MPP1: variants seen among roughly 807,000 people sequenced by gnomAD.
MPP1 encodes 55 kDa erythrocyte membrane protein.
In MPP1, 6 loss-of-function variants were observed where a neutral mutation model predicts 38.2. The ratio of observed to expected loss-of-function variants is 0.16; its 90% CI spans 0.09 to 0.31. The LOEUF (loss-of-function observed/expected upper bound fraction) is 0.31. Among genes scored for constraint, MPP1 ranks in the 10% least tolerant of loss-of-function variants. The pLI, the probability that MPP1 is intolerant of heterozygous loss-of-function variation, is 1.00. For missense variants in MPP1, 293 were observed against 368.9 expected, an observed-to-expected ratio of 0.79 and a Z score of 1.69; for synonymous variants, 153 against 146.3, an observed-to-expected ratio of 1.05 and a Z score of -0.33.
At chrX:154,781,823 C>A in intron 9 of MPP1, 21 bp from the exon 10 acceptor site, 1 of 1,192,611 alleles carries the variant, frequency 8.4e-7, no homozygotes, top group South Asian at 1.8e-5. Flanking sequence ...GAACCCAAAT[C>A]CCCGACAAAC....
rs201981724 is a variant in MPP1 at position 154,781,219 on chromosome X, C to T, written c.1224+20G>A. On this transcript the variant is annotated intron_variant, in intron 11 of 11. Coordinates refer to ENST00000369534, the MANE Select transcript of MPP1 (RefSeq NM_002436.4). ...GGCCCGGAGAAAGTGAACTACCCAT[C>T]GCGCACAACCTCTCCTCACCTGAGT... The T allele has an allele frequency of 1.7e-5, 20 of 1,188,594 alleles. No individual in the cohort carries two copies. Among genetic ancestry groups the T allele is most frequent in the Admixed American group, 4.5e-5 (2 of 44,437 alleles).
chrX:154,799,897 G>A (rs782629109), intron 1 of MPP1: 17 of 1,055,894 alleles, frequency 1.6e-5, no homozygotes, highest in Non-Finnish European at 2.1e-5. Flanking sequence ...AAGGAAGCTG[G>A]AATTTAAAAA....
intron 3 of MPP1, 56 bp downstream of exon 3, chrX:154,791,713 A>G: frequency 9.5e-7 from 1 of 1,048,011 alleles, no homozygotes; most frequent in Middle Eastern, 2.5e-4. Flanking sequence ...ACCACTGAAC[A>G]GGGAGTAAAT....
chrX:154,787,915 A>G (rs782148361), intron 5 of MPP1, among the ~76,000 whole-genome samples: 2 of 112,823 alleles, frequency 1.8e-5, no homozygotes, highest in South Asian at 7.2e-4. Flanking sequence ...AAAAGAATAA[A>G]AAGTTCCAAA....
intron 1 of MPP1, among the ~76,000 whole-genome samples, chrX:154,799,569 G>T (rs1557268438): frequency 8.9e-6 from 1 of 112,762 alleles, no homozygotes; most frequent in Non-Finnish European, 1.9e-5. Context: ...ATTTCTCAGA[G>T]TTCAGTTCAC....
rs782616560 is a variant in MPP1, at chrX:154,789,978, C to T, written c.456G>A (p.Gln152=). Residue 152 remains glutamine (Q), a synonymous_variant, in exon 5 of 12, where the codon CAG becomes CAA. Coordinates refer to ENST00000369534, the MANE Select transcript of MPP1 (RefSeq NM_002436.4). ...CCTGTAGTGCAGGAAGACGGCTTTGCTGGTTGGGAATTACTTTTAATGAGA... is the reference window on the plus strand; with the variant it reads ...CCTGTAGTGCAGGAAGACGGCTTTGTTGGTTGGGAATTACTTTTAATGAGA... ...GMISLKVIPN[Q]QSRLPALQMF... 4 of 1,203,641 alleles carry T rather than the reference C, an allele frequency of 3.3e-6. No homozygotes were observed. The Admixed American group carries it at 8.7e-5, about 26-fold the overall frequency.
Position 154,780,929 on chromosome X carries a change from C to G in MPP1, c.1224+310G>C, listed in dbSNP as rs140205544. On this transcript the variant is annotated intron_variant, in intron 11 of 11. Coordinates refer to ENST00000369534, the MANE Select transcript of MPP1 (RefSeq NM_002436.4). ...CCTCTGTCCATCACAGCTTCCCCTGCCAGAGCCTGCATCCCACCAGTATCA... is the reference window on the plus strand; with the variant it reads ...CCTCTGTCCATCACAGCTTCCCCTGGCAGAGCCTGCATCCCACCAGTATCA... Among the ~76,000 whole-genome samples the G allele has an allele frequency of 7.7e-3, 868 of 112,121 alleles. 8 individuals are homozygous for G. Among genetic ancestry groups the G allele is most frequent in the African/African-American group, 0.027 (831 of 30,858 alleles).
Position 154,783,433 on chromosome X carries a change from C to T in MPP1, c.940G>A (p.Val314Ile). The T allele has an allele frequency of 8.3e-7, 1 of 1,209,160 alleles. No homozygotes were observed. The highest frequency in any genetic ancestry group is 1.1e-6 in the Non-Finnish European group (1 of 893,949). The change falls in exon 9 of 12, where the codon GTC (valine) becomes ATC (isoleucine). Residue 314 changes from valine to isoleucine, a missense_variant. By Grantham distance (29) the Val-to-Ile change is conservative. Coordinates refer to ENST00000369534, the MANE Select transcript of MPP1 (RefSeq NM_002436.4). Reference protein sequence around the residue: ...SQNPEKFVYPVPYTTRPPRKS... With the variant: ...SQNPEKFVYPIPYTTRPPRKS... Reference sequence around the variant, plus strand: ...GTGCCTAAGAGCTACTTACATGGGACAGGGTACACAAACTTCTCCGGATTC... The same window carrying T: ...GTGCCTAAGAGCTACTTACATGGGATAGGGTACACAAACTTCTCCGGATTC...
chrX:154,804,170 C>T lies in MPP1; in HGVS notation c.102+1102G>A, dbSNP rs782755072. On this transcript the variant is annotated intron_variant, in intron 1 of 11. Transcript: ENST00000369534. Reference sequence around the variant, plus strand: ...CATTACTTGTTTCCTTGAGTTAATGCCACTTAGCCCAAAGAGTCTACAGCT... The same window carrying T: ...CATTACTTGTTTCCTTGAGTTAATGTCACTTAGCCCAAAGAGTCTACAGCT... Among the ~76,000 whole-genome samples, 8 of 111,964 alleles carry T rather than the reference C, an allele frequency of 7.1e-5. 1 individual carries two copies. The highest frequency in any genetic ancestry group is 2.6e-4 in the African/African-American group (8 of 30,805).
At chrX:154,792,925 G>A (rs1431024244) in intron 1 of MPP1, among the ~76,000 whole-genome samples, 2 of 111,188 alleles carry the variant, frequency 1.8e-5, no homozygotes, top group African/African-American at 6.6e-5. Context: ...AGACAGCAAA[G>A]CTAAATGAGT....
chrX:154,799,273 G>C (rs907837644), intron 1 of MPP1, among the ~76,000 whole-genome samples: 2 of 111,621 alleles, frequency 1.8e-5, no homozygotes, highest in Admixed American at 1.9e-4. Flanking sequence ...TAAGAAAAAC[G>C]GAAACTTCCA....
Position 154,786,068 on chromosome X carries a change from C to T in MPP1, c.677+136G>A, listed in dbSNP as rs2148527726. 4 of 620,574 alleles carry T rather than the reference C, an allele frequency of 6.4e-6. No individual in the cohort carries two copies. In the South Asian group the frequency reaches 1.2e-4, roughly 19 times the overall value. The allele number at this position is 620,574 out of a possible 1,213,427, so 51.1% of individuals were successfully genotyped here. A position where few individuals can be genotyped will look rare whatever the true frequency, so the allele number is the denominator to read the frequency against. On this transcript the variant is annotated intron_variant, in intron 6 of 11. Coordinates refer to ENST00000369534, the MANE Select transcript of MPP1 (RefSeq NM_002436.4). The stretch of plus-strand genomic sequence containing the variant: ...CTTATCAACGCATGGTTAACCCTCC[C>T]CCACCCATTATGCCAGGAAATCTAG...
chrX:154,793,136 T>C (rs1603430179), intron 1 of MPP1, among the ~76,000 whole-genome samples: 1 of 111,725 alleles, frequency 9.0e-6, no homozygotes, highest in African/African-American at 3.3e-5. Flanking sequence ...GAGTATAAAA[T>C]GAAAACTAAA....
At chrX:154,797,841 C>T (rs1317102404) in intron 1 of MPP1, among the ~76,000 whole-genome samples, 3 of 110,903 alleles carry the variant, frequency 2.7e-5, no homozygotes, top group Admixed American at 1.9e-4. Flanking sequence ...AGCTACAGAC[C>T]GGGAGAAACA....
At chrX:154,798,154 C>T (rs1243733939) in intron 1 of MPP1, among the ~76,000 whole-genome samples, 1 of 112,164 alleles carries the variant, frequency 8.9e-6, no homozygotes, top group Non-Finnish European at 1.9e-5. Flanking sequence ...GAAAATTGGG[C>T]ATCTCATACA....
At position 154,779,295 on chromosome X, in the gene MPP1, T is replaced by C. The variant is rs1557266319; in HGVS notation, c.1283A>G (p.His428Arg). ...ATTGACCAGTGAGAGGTCAAAGTAG[T>C]GAGCGTACTGGCTGCGGATGGCCTC... ...DSEAIRSQYA[H>R]YFDLSLVNNG... is the part of the protein sequence containing the mutation. The change falls in exon 12 of 12, where the codon CAC becomes CGC. Residue 428 changes from histidine to arginine, a missense_variant. Coordinates refer to ENST00000369534, the MANE Select transcript of MPP1 (RefSeq NM_002436.4). 1 of 1,211,500 alleles carries C rather than the reference T, an allele frequency of 8.3e-7. No individual in the cohort carries two copies. The highest frequency in any genetic ancestry group is 1.1e-6 in the Non-Finnish European group (1 of 895,312).
chrX:154,786,410 A>G lies in MPP1; in HGVS notation c.481-10T>C, dbSNP rs782044871. 61 of 1,201,350 alleles carry G rather than the reference A, an allele frequency of 5.1e-5. No homozygotes were observed. The Middle Eastern group carries it at 6.9e-4, about 14-fold the overall frequency. ...GCGCTCTCATGAACATCTAAAAAGA[A>G]GGTAAAAGGAACTGCAGGCGGCAGC... On this transcript the variant is annotated splice_polypyrimidine_tract_variant and intron_variant, in intron 5 of 11. Coordinates refer to ENST00000369534, the MANE Select transcript of MPP1 (RefSeq NM_002436.4).
At chrX:154,784,462 G>A (rs1203107668) in intron 7 of MPP1, among the ~76,000 whole-genome samples, 2 of 110,725 alleles carry the variant, frequency 1.8e-5, no homozygotes, top group Non-Finnish European at 3.8e-5. Context: ...GGTTCTGCCT[G>A]AATGTCCCTT....
rs1160617528 is a variant in MPP1, at chrX:154,801,764, AAAAAAAAAAAAAAAAAAAAAAAC to A, written c.102+3485_102+3507del. ...ACAGAGCAAAACTCTGTCTCAAAAA[AAAAAAAAAAAAAAAAAAAAAAAC>A]AAAAAACAGAAAAAAGTCATGAAGT... On this transcript the variant is annotated intron_variant, in intron 1 of 11. Coordinates refer to ENST00000369534, the MANE Select transcript of MPP1 (RefSeq NM_002436.4). Among the ~76,000 whole-genome samples, 69 of 79,899 alleles carry A rather than the reference AAAAAAAAAAAAAAAAAAAAAAAC, an allele frequency of 8.6e-4. 2 individuals carry two copies. The highest frequency in any genetic ancestry group is 2.7e-3 in the African/African-American group (54 of 19,877). 69.4% of individuals were successfully genotyped at this position (79,899 alleles called of 115,157 possible).
Sources: allele counts gnomAD v4.1 joint callset (sites outside exome capture counted in the v4.1 genomes callset), GRCh38; gene constraint gnomAD v4.1.1; transcripts MANE v1.5; gene names NCBI Gene and HGNC (gene_info 2026-07-23, HGNC 2026-07-21).